ZNF831: variants seen among roughly 807,000 people sequenced by gnomAD.
ZNF831 encodes the protein chromosome 20 open reading frame 174.
Under a neutral mutation model 95.8 loss-of-function variants are expected in ZNF831, and 59 were observed. The ratio of observed to expected loss-of-function variants is 0.62; its 90% CI spans 0.50 to 0.77. The LOEUF (loss-of-function observed/expected upper bound fraction) is 0.77. Among genes scored for constraint, ZNF831 ranks in the 30% least tolerant of loss-of-function variants. ZNF831 has a pLI of 0.00. For missense variants in ZNF831, 2,205 were observed against 2,164.0 expected, an observed-to-expected ratio of 1.02 and a Z score of -0.38; for synonymous variants, 961 against 925.5, an observed-to-expected ratio of 1.04 and a Z score of -0.70.
At chr20:59,199,395 T>C (rs1984371938) in intron 3 of ZNF831, among the ~76,000 whole-genome samples, 1 of 152,174 alleles carries the variant, frequency 6.6e-6, no homozygotes, top group South Asian at 2.1e-4. Flanking sequence ...CATATCAATC[T>C]GTGTTTTCAT....
At chr20:59,151,502 A>C (rs1267921992) in intron 2 of ZNF831, among the ~76,000 whole-genome samples, 1 of 152,142 alleles carries the variant, frequency 6.6e-6, no homozygotes, top group Non-Finnish European at 1.5e-5. Context: ...TGTTGCCCTG[A>C]CTTGACAGAT....
Position 59,194,010 on chromosome 20 carries a change from C to A in ZNF831, c.2991C>A (p.Ser997=), listed in dbSNP as rs2146592833. The change falls in exon 2 of 6, where the codon TCC becomes TCA. Residue 997 remains serine (S), a synonymous_variant. Transcript: ENST00000371030. ...CTCCCAGCCCAGCCTCAGGCCCCTC[C>A]CCAGGTGAGGCGGACAGCATCCTGG... The part of the protein sequence containing the change: ...PLSPSPASGP[S]PGEADSILED... The A allele has an allele frequency of 6.5e-7, 1 of 1,529,232 alleles. No individual in the cohort carries two copies. The highest frequency in any genetic ancestry group is 8.8e-7 in the Non-Finnish European group (1 of 1,140,474). The allele number at this position is 1,529,232 out of a possible 1,614,324, so 94.7% of individuals were successfully genotyped here. A position where few individuals can be genotyped will look rare whatever the true frequency, so the allele number is the denominator to read the frequency against.
chr20:59,132,303 T>G (rs1216370927), intron 1 of ZNF831, among the ~76,000 whole-genome samples: 1 of 152,052 alleles, frequency 6.6e-6, no homozygotes, highest in Non-Finnish European at 1.5e-5. Context: ...TTTTTTTTTT[T>G]TTTGGCCATT....
At position 59,194,090 on chromosome 20, in the gene ZNF831, G is replaced by T. The variant is rs751059121; in HGVS notation, c.3071G>T (p.Gly1024Val). ...GGGAGAAAAGGGGCACAGTTGGGGGGGGACAAGGGGGACAGGATGGCCACT... is the reference window on the plus strand; with the variant it reads ...GGGAGAAAAGGGGCACAGTTGGGGGTGGACAAGGGGGACAGGATGGCCACT... The part of the protein sequence containing the change: ...QDGRKGAQLG[G>V]DKGDRMATSR... The change falls in exon 2 of 6, where the codon GGG becomes GTG. Residue 1024 changes from glycine to valine, a missense_variant. Physicochemically the swap from Gly to Val is moderately radical, Grantham distance 109 (BLOSUM62 -3). Coordinates refer to ENST00000371030, the MANE Select transcript of ZNF831 (RefSeq NM_178457.3). The T allele has an allele frequency of 1.3e-6, 2 of 1,541,742 alleles. No individual in the cohort carries two copies. Among genetic ancestry groups the T allele is most frequent in the Non-Finnish European group, 1.7e-6 (2 of 1,144,704 alleles).
intron 4 of ZNF831, among the ~76,000 whole-genome samples, chr20:59,226,086 C>T (rs1568781837): frequency 6.6e-6 from 1 of 152,254 alleles, no homozygotes; most frequent in African/African-American, 2.4e-5. Context: ...GGGTCTTATG[C>T]CTGGCCCCGA....
intron 1 of ZNF831, among the ~76,000 whole-genome samples, chr20:59,172,966 A>C (rs1224641962): frequency 6.6e-6 from 1 of 152,206 alleles, no homozygotes; most frequent in African/African-American, 2.4e-5. Flanking sequence ...GATTTGACTC[A>C]GTTAAATCTA....
chr20:59,221,725 C>T (rs1986086946), intron 4 of ZNF831, among the ~76,000 whole-genome samples: 1 of 152,182 alleles, frequency 6.6e-6, no homozygotes, highest in Admixed American at 6.5e-5. Context: ...AAAATTTTGG[C>T]TTGCTTATTT....
chr20:59,144,411 C>T (rs2146446918), intron 1 of ZNF831, among the ~76,000 whole-genome samples: 1 of 152,284 alleles, frequency 6.6e-6, no homozygotes, highest in South Asian at 2.1e-4. Flanking sequence ...GTGGAGGCGT[C>T]CTGGGCATTG....
intron 1 of ZNF831, among the ~76,000 whole-genome samples, chr20:59,176,182 C>T (rs1217938342): frequency 6.6e-6 from 1 of 152,202 alleles, no homozygotes; most frequent in East Asian, 1.9e-4. Context: ...TTGGATGGCT[C>T]TCAAAGGTAT....
chr20:59,237,387 C>T (rs1987058079), intron 4 of ZNF831, among the ~76,000 whole-genome samples: 1 of 152,166 alleles, frequency 6.6e-6, no homozygotes, highest in Non-Finnish European at 1.5e-5. Context: ...CGCTCTGTCA[C>T]CCAGGCTGGA....
intron 3 of ZNF831, among the ~76,000 whole-genome samples, chr20:59,196,934 G>T (rs906707401): frequency 1.3e-5 from 2 of 149,416 alleles, no homozygotes; most frequent in Admixed American, 1.3e-4. Flanking sequence ...GGGCCACCAC[G>T]CCCAGCTATT....
chr20:59,209,034 G>A (rs1464554120), intron 4 of ZNF831, among the ~76,000 whole-genome samples: 3 of 152,196 alleles, frequency 2.0e-5, no homozygotes, highest in South Asian at 2.1e-4. Flanking sequence ...CCCTGGTCTC[G>A]ATAAATGTGG....
chr20:59,175,582 T>C (rs1982093515), intron 1 of ZNF831, among the ~76,000 whole-genome samples: 1 of 152,220 alleles, frequency 6.6e-6, no homozygotes, highest in Admixed American at 6.5e-5. Context: ...GTATTTTTCA[T>C]TTCTATTATT....
At position 59,193,184 on chromosome 20, in the gene ZNF831, G is replaced by A. The variant is rs61742495; in HGVS notation, c.2165G>A (p.Arg722Gln). ...GTGGCCAGGAGAGGAGACAGTGACCGACCCAGGGTGGAAGAGGCTGTGTCA... is the reference window on the plus strand; with the variant it reads ...GTGGCCAGGAGAGGAGACAGTGACCAACCCAGGGTGGAAGAGGCTGTGTCA... Reference protein sequence around the residue: ...ETVARRGDSDRPRVEEAVSSP... With the variant: ...ETVARRGDSDQPRVEEAVSSP... The change falls in exon 2 of 6, where the codon CGA becomes CAA. Residue 722 changes from arginine (R) to glutamine (Q), a missense_variant. Arg to Gln is a conservative substitution (Grantham distance 43). Coordinates refer to ENST00000371030, the MANE Select transcript of ZNF831 (RefSeq NM_178457.3). The A allele has an allele frequency of 5.3e-4, 832 of 1,577,192 alleles. 3 individuals are homozygous for A. In the African/African-American group the frequency reaches 0.011, roughly 20 times the overall value.
intron 5 of ZNF831, among the ~76,000 whole-genome samples, chr20:59,253,577 C>T (rs77077845): frequency 0.011 from 1,695 of 152,220 alleles, 15 homozygotes; most frequent in Middle Eastern, 0.041. Flanking sequence ...ATAGTACATC[C>T]GCTTCATGAG....
In ZNF831 at chr20:59,236,604, C is replaced by T. The variant is rs191125286; in HGVS notation, c.4028-16374C>T. ...AGAGGTGGGGTTGCACCATGTTGTC[C>T]AGTCTGGTCTCTAACTCTTGGGCTC... On this transcript the variant is annotated intron_variant, in intron 4 of 5. Transcript: ENST00000371030. Among the ~76,000 whole-genome samples the T allele has an allele frequency of 2.0e-3, 294 of 148,650 alleles. 2 individuals are homozygous for T. Among genetic ancestry groups the T allele is most frequent in the African/African-American group, 6.8e-3 (275 of 40,226 alleles).
At chr20:59,130,263 G>A (rs1018044306) in intron 1 of ZNF831, among the ~76,000 whole-genome samples, 3 of 152,116 alleles carry the variant, frequency 2.0e-5, no homozygotes, top group African/African-American at 7.2e-5. Context: ...CATTTAAGCC[G>A]GGCCTGGAAG....
intron 4 of ZNF831, among the ~76,000 whole-genome samples, chr20:59,238,051 T>C (rs1057080458): frequency 2.0e-5 from 3 of 152,218 alleles, no homozygotes; most frequent in African/African-American, 7.2e-5. Flanking sequence ...CTGAAACTCA[T>C]ATGGAACCAG....
chr20:59,184,232 G>A lies in ZNF831; in HGVS notation c.-36-6752G>A, dbSNP rs190493852. Among the ~76,000 whole-genome samples the A allele has an allele frequency of 1.5e-3, 230 of 152,086 alleles. 2 individuals carry two copies. The highest frequency in any genetic ancestry group is 5.1e-3 in the African/African-American group (212 of 41,480). On this transcript the variant is annotated intron_variant, in intron 1 of 5. Transcript: ENST00000371030. ...ATTTGCTAGCTTATTTCTTTTTATC[G>A]ATGAATAATATTCCATTGTCTGGAT...
Sources: gnomAD v4.1 joint callset for allele counts (sites outside exome capture counted in the v4.1 genomes callset) on GRCh38, gnomAD v4.1.1 for gene constraint, MANE v1.5 for transcripts, NCBI Gene and HGNC (gene_info 2026-07-23, HGNC 2026-07-21) for gene names.